Variants in NOS1 observed in about 807,000 individuals in gnomAD.
NOS1 encodes NOS type I.
NOS1 carries 51 observed loss-of-function variants against 164.5 expected under a neutral mutation model. The observed-to-expected ratio is 0.31, with a 90% CI of 0.25 to 0.39. The LOEUF (loss-of-function observed/expected upper bound fraction) is 0.39, where lower values mean the gene tolerates loss of function less well. NOS1 is among the 10% of genes least tolerant of loss of function. The probability of loss-of-function intolerance (pLI) is 1.00; values close to 1 mark genes in which losing one functional copy is unlikely to be tolerated. For missense variants in NOS1, 1,362 were observed against 1,885.6 expected (o/e 0.72, Z 5.14); for synonymous variants, 719 against 745.8 (o/e 0.96, Z 0.59).
intron 25 of NOS1, among the ~76,000 whole-genome samples, chr12:117,224,348 C>T (rs572770930): frequency 3.9e-5 from 6 of 152,156 alleles, no homozygotes; most frequent in South Asian, 2.1e-4. Context: ...TGCGGTGGCA[C>T]GATCTCGGCT....
At chr12:117,315,464 A>G (rs1030061422) in intron 2 of NOS1, among the ~76,000 whole-genome samples, 1 of 152,124 alleles carries the variant, frequency 6.6e-6, no homozygotes, top group Non-Finnish European at 1.5e-5. Context: ...TCCACCCAGG[A>G]AGGATATTTT....
Position 117,356,616 on chromosome 12 carries a change from G to A in NOS1, c.-421+4896C>T, listed in dbSNP as rs1044161886. On this transcript the variant is annotated intron_variant, in intron 1 of 28. Coordinates refer to ENST00000317775, the MANE Select transcript of NOS1 (RefSeq NM_000620.5). The surrounding 1 kb of genome is among the most constrained non-coding windows in gnomAD (Gnocchi z 4.2). ...TAGCACTGGCCTTGCCATTTAACAC[G>A]TGTCATGACACATACAATAAATGTG... 5.9e-5 allele frequency among the ~76,000 whole-genome samples: 9 copies of A among 152,272 alleles called. No homozygotes were observed. The highest frequency in any genetic ancestry group is 3.4e-3 in the Middle Eastern group (1 of 294).
At chr12:117,262,488 G>GGAGAGGGA (rs1872006831) in intron 13 of NOS1, among the ~76,000 whole-genome samples, 1 of 118,524 alleles carries the variant, frequency 8.4e-6, no homozygotes, top group African/African-American at 3.7e-5. Context: ...AGGGGGAGGG[G>GGAGAGGGA]GAGAGAGAGA....
intron 25 of NOS1, among the ~76,000 whole-genome samples, chr12:117,224,613 A>G (rs1255240302): frequency 6.6e-6 from 1 of 152,114 alleles, no homozygotes; most frequent in Non-Finnish European, 1.5e-5. Flanking sequence ...GCATGCCACA[A>G]TTTGGGTTTC....
chr12:117,240,548 A>T (rs879771902), intron 20 of NOS1, among the ~76,000 whole-genome samples: 3 of 152,232 alleles, frequency 2.0e-5, no homozygotes, highest in Non-Finnish European at 4.4e-5. Context: ...GCGTCAGATA[A>T]CCGGGTCGGT....
chr12:117,225,737 T>C (rs190434343), intron 24 of NOS1, among the ~76,000 whole-genome samples: 1 of 152,280 alleles, frequency 6.6e-6, no homozygotes, highest in East Asian at 1.9e-4. Flanking sequence ...GCAATTCTCC[T>C]GTCTCGGCCT....
rs749837589 is a variant in NOS1, at chr12:117,260,480, G to T, written c.2352C>A (p.His784Gln). Reference sequence around the variant, plus strand: ...CCCCACCTACCTTGGCATCAAAGGCGTGTTTGAAGATCTCACACAAGGTCT... The same window carrying T: ...CCCCACCTACCTTGGCATCAAAGGCTTGTTTGAAGATCTCACACAAGGTCT... ...YAKTLCEIFK[H>Q]AFDAKVMSME... is the part of the protein sequence containing the mutation. Residue 784 changes from histidine to glutamine, a missense_variant, in exon 14 of 29, where the codon CAC (histidine) becomes CAA (glutamine). This residue lies in a region of NOS1 where 737 missense variants were observed against 1,030.3 expected (regional missense o/e 0.72). Transcript: ENST00000317775. The T allele has an allele frequency of 6.2e-7, 1 of 1,613,854 alleles. No individual in the cohort carries two copies. Among genetic ancestry groups the T allele is most frequent in the Admixed American group, 1.7e-5 (1 of 59,994 alleles).
rs56906790 is a variant in NOS1, at chr12:117,324,715, C to CTAAATAAATAAATAAATAAATAAATAAA, written c.725+5629_725+5630insTTTATTTATTTATTTATTTATTTATTTA. Reference sequence around the variant, plus strand: ...TGGGCTACAGAGCAAGACTCTGTCTCTAAATAAATAAATAAATAAATAAAG... The same window carrying CTAAATAAATAAATAAATAAATAAATAAA: ...TGGGCTACAGAGCAAGACTCTGTCTCTAAATAAATAAATAAATAAATAAATAAATAAATAAATAAATAAATAAATAAAG... On this transcript the variant is annotated intron_variant, in intron 2 of 28. Coordinates refer to ENST00000317775, the MANE Select transcript of NOS1 (RefSeq NM_000620.5). Among the ~76,000 whole-genome samples, 949 of 149,336 alleles carry CTAAATAAATAAATAAATAAATAAATAAA rather than the reference C, an allele frequency of 6.4e-3. 15 individuals are homozygous for CTAAATAAATAAATAAATAAATAAATAAA. The highest frequency in any genetic ancestry group is 0.022 in the African/African-American group (886 of 40,062).
intron 22 of NOS1, among the ~76,000 whole-genome samples, chr12:117,227,935 G>T (rs1868848651): frequency 6.6e-6 from 1 of 152,066 alleles, no homozygotes; most frequent in Non-Finnish European, 1.5e-5. Flanking sequence ...GGAGGATGAG[G>T]TGGGAGGACT....
At position 117,278,771 on chromosome 12, in the gene NOS1, T is replaced by C. The variant is rs182585972; in HGVS notation, c.1525-673A>G. 3.9e-3 allele frequency among the ~76,000 whole-genome samples: 589 copies of C among 150,552 alleles called. 2 individuals are homozygous for C. The highest frequency in any genetic ancestry group is 0.013 in the African/African-American group (552 of 41,256). ...ATGGGAGAAAATAATATTAATAATA[T>C]ACTCATCTTAAAGTTCAATAATGTC... On this transcript the variant is annotated intron_variant, in intron 8 of 28. Coordinates refer to ENST00000317775, the MANE Select transcript of NOS1 (RefSeq NM_000620.5).
chr12:117,230,015 G>A (rs1378213279), intron 22 of NOS1, among the ~76,000 whole-genome samples: 2 of 152,156 alleles, frequency 1.3e-5, no homozygotes, highest in East Asian at 3.8e-4. Context: ...GAACTCCTGG[G>A]CTCAAGTGAT....
rs181003278 is a variant in NOS1, at chr12:117,221,400, C to T, written c.3976-1131G>A. 5.2e-3 allele frequency among the ~76,000 whole-genome samples: 790 copies of T among 151,590 alleles called. 6 individuals carry two copies. The highest frequency in any genetic ancestry group is 0.018 in the African/African-American group (734 of 41,324). ...CTGGCCTCAAGTGATCCACCCACCT[C>T]GGCCTCCCAAAGTGCTGGGACTACA... On this transcript the variant is annotated intron_variant, in intron 26 of 28. Coordinates refer to ENST00000317775, the MANE Select transcript of NOS1 (RefSeq NM_000620.5).
intron 16 of NOS1, among the ~76,000 whole-genome samples, chr12:117,257,883 C>T (rs1158975029): frequency 6.7e-6 from 1 of 149,036 alleles, no homozygotes; most frequent in African/African-American, 2.5e-5. Flanking sequence ...TGGCTCACTG[C>T]AACCTCCTCC....
Position 117,220,082 on chromosome 12 carries a change from C to T in NOS1, c.4163G>A (p.Arg1388Gln), listed in dbSNP as rs774609812. 1.2e-5 allele frequency: 20 copies of T among 1,606,768 alleles called. No homozygotes were observed. Among genetic ancestry groups the T allele is most frequent in the Admixed American group, 3.4e-5 (2 of 59,316 alleles). The change falls in exon 27 of 29, where the codon CGG becomes CAG. Residue 1388 changes from arginine to glutamine, a missense_variant. Around this residue, in one of 4 missense-constraint regions of NOS1, gnomAD observed 737 missense variants for 1,030.3 expected, o/e 0.72. Coordinates refer to ENST00000317775, the MANE Select transcript of NOS1 (RefSeq NM_000620.5). ...AGTCAGCCTGTCACTCACCCTCATC[C>T]GGCTGATGAATACGCCGGCGTCCTC... ...SAEDAGVFIS[R>Q]MRDDNRYHED...
In NOS1 at chr12:117,214,186, C is replaced by T. The variant is rs1246520966; in HGVS notation, c.*1123G>A. ...CCCCAAGGGTGAAGCAGCAAGCCCG[C>T]TTTGGGGGAATAAAAAAATAATAAT... is the stretch of plus-strand genomic sequence containing the variant. On this transcript the variant is annotated 3_prime_UTR_variant, in exon 29 of 29. Coordinates refer to ENST00000317775, the MANE Select transcript of NOS1 (RefSeq NM_000620.5). The T allele has an allele frequency of 4.1e-5, 40 of 985,262 alleles. No homozygotes were observed. Among genetic ancestry groups the T allele is most frequent in the Non-Finnish European group, 4.7e-5 (39 of 829,940 alleles). The allele number at this position is 985,262 out of a possible 1,614,324, so 61.0% of individuals were successfully genotyped here.
chr12:117,268,856 C>T (rs900544174), intron 10 of NOS1, among the ~76,000 whole-genome samples: 3 of 151,994 alleles, frequency 2.0e-5, no homozygotes, highest in African/African-American at 7.3e-5. Flanking sequence ...CTTGGCCTCC[C>T]AAAGTGCTGG....
At chr12:117,294,533 C>T (rs1007188724) in intron 3 of NOS1, among the ~76,000 whole-genome samples, 17 of 151,980 alleles carry the variant, frequency 1.1e-4, no homozygotes, top group African/African-American at 1.9e-4. Context: ...TTGTACTTGG[C>T]ACTTTGATGT....
intron 3 of NOS1, among the ~76,000 whole-genome samples, chr12:117,304,041 G>A (rs1015739562): frequency 7.2e-5 from 11 of 152,108 alleles, no homozygotes; most frequent in African/African-American, 2.7e-4. Flanking sequence ...GCGTGGCGGC[G>A]TGCGCCTGTA....
intron 6 of NOS1, among the ~76,000 whole-genome samples, chr12:117,285,625 T>A (rs559243559): frequency 6.6e-6 from 1 of 151,612 alleles, no homozygotes; most frequent in Non-Finnish European, 1.5e-5. Flanking sequence ...ATGGGCTGGT[T>A]ACATTTTCTG....
Sources: allele counts gnomAD v4.1 joint callset (sites outside exome capture counted in the v4.1 genomes callset), GRCh38; gene constraint gnomAD v4.1.1; regional missense constraint gnomAD v4.1.1; non-coding constraint Gnocchi (gnomAD v3.1); transcripts MANE v1.5; gene names NCBI Gene and HGNC (gene_info 2026-07-23, HGNC 2026-07-21).